RIMS2: variants seen among roughly 807,000 people sequenced by gnomAD.
RIMS2 encodes the protein regulating synaptic membrane exocytosis protein 2.
A neutral mutation model predicts 174.4 loss-of-function variants in RIMS2; 59 were observed. The ratio of observed to expected loss-of-function variants is 0.34; its 90% confidence interval spans 0.27 to 0.42. RIMS2 has a LOEUF of 0.42. Among genes scored for constraint, RIMS2 ranks in the 10% least tolerant of loss-of-function variants. RIMS2 has a pLI of 1.00. For synonymous variants in RIMS2, 606 were observed against 572.5 expected (o/e 1.06, Z -0.84); for missense variants, 1,620 against 1,666.3 (o/e 0.97, Z 0.48).
At chr8:104,176,762 T>C (rs2098900577) in intron 19 of RIMS2, among the ~76,000 whole-genome samples, 1 of 151,866 alleles carries the variant, frequency 6.6e-6, no homozygotes, top group African/African-American at 2.4e-5. Flanking sequence ...ACATAAATAA[T>C]TGAATGACAG....
At chr8:104,091,787 T>C (rs1019348683) in intron 19 of RIMS2, among the ~76,000 whole-genome samples, 11 of 151,560 alleles carry the variant, frequency 7.3e-5, no homozygotes, top group Non-Finnish European at 1.3e-4. Flanking sequence ...ATTTGAAAAA[T>C]AATATTATGA....
rs1565063497 is a variant in RIMS2 at position 103,876,919 on chromosome 8, C to CACACA, written c.699-8379_699-8378insACACA. Among the ~76,000 whole-genome samples the CACACA allele has an allele frequency of 5.0e-4, 35 of 69,558 alleles. 2 individuals are homozygous for CACACA. Among genetic ancestry groups the CACACA allele is most frequent in the Non-Finnish European group, 9.1e-4 (29 of 31,936 alleles). 45.6% of individuals were successfully genotyped at this position (69,558 alleles called of 152,430 possible). On this transcript the variant is annotated intron_variant, in intron 3 of 23. Coordinates refer to ENST00000504942, the Ensembl canonical transcript of RIMS2. ...ATATATATATATATATACACACACACCCCCATATACATAACACAGTTTCTT... is the reference window on the plus strand; with the variant it reads ...ATATATATATATATATACACACACACACACACCCCATATACATAACACAGTTTCTT...
At chr8:104,178,134 G>A (rs946129789) in intron 19 of RIMS2, among the ~76,000 whole-genome samples, 1 of 152,106 alleles carries the variant, frequency 6.6e-6, no homozygotes, top group Non-Finnish European at 1.5e-5. Context: ...ACACAGTGTG[G>A]CTCAGCTGGT....
At chr8:103,636,801 C>A (rs1820442) in intron 1 of RIMS2, among the ~76,000 whole-genome samples, 28 of 19,052 alleles carry the variant, frequency 1.5e-3, no homozygotes, top group Admixed American at 9.8e-3. Flanking sequence ...CCCCCCCCCC[C>A]ACACACACAC....
At chr8:103,919,366 T>C (rs908411245) in intron 9 of RIMS2, among the ~76,000 whole-genome samples, 4 of 151,970 alleles carry the variant, frequency 2.6e-5, no homozygotes, top group Admixed American at 2.0e-4. Flanking sequence ...AGAGGAAGAA[T>C]GGTATGAATG....
intron 17 of RIMS2, among the ~76,000 whole-genome samples, chr8:103,997,020 G>T (rs944850273): frequency 6.6e-6 from 1 of 151,866 alleles, no homozygotes; most frequent in East Asian, 1.9e-4. Context: ...TGAGGATTAA[G>T]AGGAGACGAA....
At chr8:103,603,577 A>T (rs2094877553) in intron 1 of RIMS2, among the ~76,000 whole-genome samples, 1 of 152,060 alleles carries the variant, frequency 6.6e-6, no homozygotes, top group Non-Finnish European at 1.5e-5. Context: ...CGCCACATTG[A>T]CTTCCACAAT....
At chr8:103,717,862 A>G (rs116357435) in intron 2 of RIMS2, among the ~76,000 whole-genome samples, 337 of 152,304 alleles carry the variant, frequency 2.2e-3, no homozygotes, top group African/African-American at 7.8e-3. Context: ...AGTAGGTTCT[A>G]GTCACATATA....
chr8:103,561,850 G>C (rs1489820195), intron 1 of RIMS2, among the ~76,000 whole-genome samples: 1 of 152,200 alleles, frequency 6.6e-6, no homozygotes, highest in African/African-American at 2.4e-5. Context: ...TGGACTTACA[G>C]TTCCACATGG....
chr8:104,184,676 C>A (rs1199561120), intron 19 of RIMS2, among the ~76,000 whole-genome samples: 1 of 151,286 alleles, frequency 6.6e-6, no homozygotes, highest in Non-Finnish European at 1.5e-5. Flanking sequence ...TAGTGAATGA[C>A]TTTTATTTTG....
chr8:103,538,215 T>C (rs1007814243), intron 1 of RIMS2, among the ~76,000 whole-genome samples: 4 of 152,230 alleles, frequency 2.6e-5, no homozygotes, highest in Non-Finnish European at 5.9e-5. Flanking sequence ...TTCCTCTCTT[T>C]GTAATATTGC....
At chr8:103,582,103 A>C (rs1237032720) in intron 1 of RIMS2, among the ~76,000 whole-genome samples, 1 of 152,120 alleles carries the variant, frequency 6.6e-6, no homozygotes. Flanking sequence ...CAGCCACAGC[A>C]GGATAGGGCA....
rs183385810 is a variant in RIMS2 at position 103,675,058 on chromosome 8, T to C, written c.177-22028T>C. Among the ~76,000 whole-genome samples the C allele has an allele frequency of 2.9e-3, 448 of 152,240 alleles. 2 individuals carry two copies. Among genetic ancestry groups the C allele is most frequent in the Middle Eastern group, 0.01 (3 of 294 alleles). ...CCTGAGTAGCGAGGATTACAGGCAC[T>C]CGCCACCATGGCCGGCTAATTTTTT... On this transcript the variant is annotated intron_variant, in intron 1 of 23. Coordinates refer to ENST00000504942, the Ensembl canonical transcript of RIMS2.
intron 10 of RIMS2, among the ~76,000 whole-genome samples, chr8:103,923,697 T>A (rs1300724168): frequency 6.6e-6 from 1 of 151,766 alleles, no homozygotes; most frequent in Non-Finnish European, 1.5e-5. Flanking sequence ...AGTAAAACTT[T>A]TAGCTGTATA....
chr8:104,252,161 T>A, downstream of RIMS2: 1 of 276,260 alleles, frequency 3.6e-6, no homozygotes, highest in Non-Finnish European at 6.8e-6. Context: ...TTATCATTCC[T>A]TTTTCTTCAT....
intron 1 of RIMS2, among the ~76,000 whole-genome samples, chr8:103,592,883 G>C (rs902715184): frequency 6.6e-6 from 1 of 151,204 alleles, no homozygotes; most frequent in African/African-American, 2.4e-5. Context: ...TTAATATCCC[G>C]TGTGATGAAA....
In RIMS2 at chr8:103,885,278, C is replaced by T; in HGVS notation, c.699-20C>T. On this transcript the variant is annotated intron_variant, in intron 3 of 23. Transcript: ENST00000504942. ...ATAAACTTTTGCTCTTCTCATTGTTCTTTTCCTTTGGTTACTTAGGAAAAG... is the reference window on the plus strand; with the variant it reads ...ATAAACTTTTGCTCTTCTCATTGTTTTTTTCCTTTGGTTACTTAGGAAAAG... 1 of 1,541,792 alleles carries T rather than the reference C, an allele frequency of 6.5e-7. No homozygotes were observed. The highest frequency in any genetic ancestry group is 8.7e-7 in the Non-Finnish European group (1 of 1,144,342).
At chr8:104,075,104 A>T (rs1329757595) in intron 19 of RIMS2, among the ~76,000 whole-genome samples, 1 of 152,114 alleles carries the variant, frequency 6.6e-6, no homozygotes. Context: ...TTAGTATGTA[A>T]CTCAGCCCAG....
intron 19 of RIMS2, among the ~76,000 whole-genome samples, chr8:104,124,510 C>T (rs1248528588): frequency 1.3e-5 from 2 of 152,018 alleles, no homozygotes; most frequent in South Asian, 2.1e-4. Flanking sequence ...GCAATAGAAT[C>T]GCCAGAGAAA....
Sources: gnomAD v4.1 joint callset for allele counts (sites outside exome capture counted in the v4.1 genomes callset) on GRCh38, gnomAD v4.1.1 for gene constraint, MANE v1.5 for transcripts, NCBI Gene and HGNC (gene_info 2026-07-23, HGNC 2026-07-21) for gene names.